The following PYHIN1 variants were observed in gnomAD, a reference collection of about 807,000 sequenced individuals.
PYHIN1 encodes pyrin and HIN domain-containing protein 1.
In PYHIN1, 32 loss-of-function variants were observed where a neutral mutation model predicts 43.7. The ratio of observed to expected loss-of-function variants is 0.73; its 90% CI spans 0.55 to 0.98. The LOEUF is 0.98. Among genes scored for constraint, PYHIN1 ranks in the 50% least tolerant of loss-of-function variants. The probability of loss-of-function intolerance (pLI) is 0.00; values close to 1 mark genes in which losing one functional copy is unlikely to be tolerated. For missense variants in PYHIN1, 588 were observed against 589.5 expected (o/e 1.00, Z 0.03); for synonymous variants, 205 against 203.1 (o/e 1.01, Z -0.08).
chr1:158,966,852 T>A (rs1429125295), intron 7 of PYHIN1, among the ~76,000 whole-genome samples: 3 of 151,832 alleles, frequency 2.0e-5, no homozygotes, highest in South Asian at 4.2e-4. Flanking sequence ...GTACTAGAAA[T>A]CCCGGCCAGA....
At chr1:158,951,044 TG>T (rs1649504192) in intron 7 of PYHIN1, among the ~76,000 whole-genome samples, 1 of 152,200 alleles carries the variant, frequency 6.6e-6, no homozygotes, top group South Asian at 2.1e-4. Flanking sequence ...GTGTAACATC[TG>T]TTTGCCATAA....
At chr1:158,972,634 T>A (rs1650997882) in intron 7 of PYHIN1, among the ~76,000 whole-genome samples, 1 of 152,050 alleles carries the variant, frequency 6.6e-6, no homozygotes, top group Admixed American at 6.6e-5. Context: ...AACTCACAGT[T>A]TATTTTCAAC....
At chr1:158,948,024 T>C (rs1649321170) in intron 7 of PYHIN1, among the ~76,000 whole-genome samples, 2 of 152,198 alleles carry the variant, frequency 1.3e-5, no homozygotes, top group Admixed American at 6.5e-5. Flanking sequence ...ATCTTAAAAT[T>C]TTTCCACCAG....
chr1:158,990,767 C>A, the PYHIN1 span, among the ~76,000 whole-genome samples: 2 of 152,106 alleles, frequency 1.3e-5, no homozygotes, highest in Admixed American at 1.3e-4. Flanking sequence ...ATGAGTGATA[C>A]AGTTTGGCTC....
At chr1:158,967,387 AC>A (rs1650686114) in intron 7 of PYHIN1, among the ~76,000 whole-genome samples, 1 of 151,984 alleles carries the variant, frequency 6.6e-6, no homozygotes, top group African/African-American at 2.4e-5. Context: ...AGAGAGGCTA[AC>A]CAAGGAGGTA....
At chr1:158,968,838 A>G (rs1650781071) in intron 7 of PYHIN1, among the ~76,000 whole-genome samples, 1 of 148,746 alleles carries the variant, frequency 6.7e-6, no homozygotes, top group Non-Finnish European at 1.5e-5. Context: ...ACAGAGCTAA[A>G]CAATGAGAGA....
At chr1:158,937,605 G>A (rs780139711) in intron 2 of PYHIN1, among the ~76,000 whole-genome samples, 5 of 152,040 alleles carry the variant, frequency 3.3e-5, no homozygotes, top group East Asian at 1.9e-4. Flanking sequence ...CATTGCTCCC[G>A]GAAGTGTGAA....
intron 1 of PYHIN1, among the ~76,000 whole-genome samples, chr1:158,934,028 T>C (rs1441818653): frequency 6.6e-6 from 1 of 152,200 alleles, no homozygotes; most frequent in Non-Finnish European, 1.5e-5. Context: ...AATATCACTT[T>C]GTTTAGATTG....
intron 7 of PYHIN1, among the ~76,000 whole-genome samples, chr1:158,967,749 T>C (rs1650706787): frequency 6.6e-6 from 1 of 151,916 alleles, no homozygotes; most frequent in Admixed American, 6.6e-5. Context: ...AACAGACACA[T>C]AGACCAATGA....
At chr1:158,983,220 C>T in the PYHIN1 span, among the ~76,000 whole-genome samples, 3 of 151,814 alleles carry the variant, frequency 2.0e-5, no homozygotes, top group Non-Finnish European at 4.4e-5. Flanking sequence ...TTGTCTTGTT[C>T]TGGTTCTCAA....
At chr1:158,972,363 CTAAA>C (rs927342306) in intron 7 of PYHIN1, among the ~76,000 whole-genome samples, 13 of 151,948 alleles carry the variant, frequency 8.6e-5, no homozygotes, top group Non-Finnish European at 1.3e-4. Context: ...CAATCTCTGA[CTAAA>C]TAGTTTTTTA....
the PYHIN1 span, among the ~76,000 whole-genome samples, chr1:158,986,328 G>C: frequency 1.3e-5 from 2 of 152,242 alleles, no homozygotes; most frequent in African/African-American, 4.8e-5. Flanking sequence ...GCTATAAGTT[G>C]GGTTTAGTTG....
At chr1:158,947,840 G>A (rs1351276849) in intron 7 of PYHIN1, among the ~76,000 whole-genome samples, 1 of 152,258 alleles carries the variant, frequency 6.6e-6, no homozygotes, top group Non-Finnish European at 1.5e-5. Context: ...TCAAAGGTTG[G>A]TCTTAAGACC....
intron 7 of PYHIN1, among the ~76,000 whole-genome samples, chr1:158,952,978 A>G (rs1312815500): frequency 1.3e-5 from 2 of 152,188 alleles, no homozygotes; most frequent in African/African-American, 4.8e-5. Flanking sequence ...TTCCGAGTCA[A>G]AGAAAGGGGT....
intron 5 of PYHIN1, 124 bp downstream of exon 5, chr1:158,942,523 T>C: frequency 1.4e-6 from 1 of 703,968 alleles, no homozygotes; most frequent in Admixed American, 3.1e-5. Flanking sequence ...TCAAAACTAC[T>C]GACAAGTAGA....
intron 7 of PYHIN1, among the ~76,000 whole-genome samples, chr1:158,959,621 T>C (rs72704937): frequency 0.12 from 17,887 of 152,202 alleles, 1,194 homozygotes; most frequent in Non-Finnish European, 0.13. Context: ...AAATTTTTCC[T>C]ACCAGCCTGA....
At chr1:158,936,347 G>T (rs1439902922) in intron 1 of PYHIN1, among the ~76,000 whole-genome samples, 2 of 151,230 alleles carry the variant, frequency 1.3e-5, no homozygotes, top group African/African-American at 4.9e-5. Context: ...TGCTGAGAAT[G>T]ATGGTTTCCA....
the PYHIN1 span, among the ~76,000 whole-genome samples, chr1:158,984,028 G>GTTTTTTTTT: frequency 6.3e-5 from 7 of 111,178 alleles, no homozygotes; most frequent in African/African-American, 2.1e-4. Flanking sequence ...ATCTTCTCCT[G>GTTTTTTTTT]TTTTTTTTTT....
intron 7 of PYHIN1, among the ~76,000 whole-genome samples, chr1:158,949,678 C>T (rs1256570905): frequency 6.6e-6 from 1 of 151,996 alleles, no homozygotes; most frequent in Non-Finnish European, 1.5e-5. Flanking sequence ...TGATGATTTC[C>T]AATTTCATTC....
Sources: gnomAD v4.1 joint callset for allele counts (sites outside exome capture counted in the v4.1 genomes callset) on GRCh38, gnomAD v4.1.1 for gene constraint, MANE v1.5 for transcripts, NCBI Gene and HGNC (gene_info 2026-07-23, HGNC 2026-07-21) for gene names.